Variants in SPG7 observed in about 807,000 individuals in gnomAD.
SPG7 encodes mitochondrial inner membrane m-AAA protease component paraplegin.
Under a neutral mutation model 81.9 loss-of-function variants are expected in SPG7, and 103 were observed. The observed-to-expected ratio is 1.26, with a 90% confidence interval of 1.07 to 1.48. SPG7 has a LOEUF of 1.48. Among genes scored for constraint, SPG7 ranks in the 40% most tolerant of loss-of-function variants. The probability of loss-of-function intolerance (pLI) is 0.00; values close to 1 mark genes in which losing one functional copy is unlikely to be tolerated. For synonymous variants in SPG7, 534 were observed against 444.2 expected, an observed-to-expected ratio of 1.20 and a Z score of -2.54; for missense variants, 1,241 against 1,087.3, an observed-to-expected ratio of 1.14 and a Z score of -1.99.
At chr16:89,525,768 C>T (rs1054841777) in intron 4 of SPG7, among the ~76,000 whole-genome samples, 2 of 152,086 alleles carry the variant, frequency 1.3e-5, no homozygotes, top group Non-Finnish European at 2.9e-5. Context: ...CCTCTGTGGC[C>T]GCAGTTTCCT....
chr16:89,546,656 A>G lies in SPG7; in HGVS notation c.1450-2A>G, dbSNP rs1567928264. The G allele has an allele frequency of 6.2e-7, 1 of 1,606,376 alleles. No individual in the cohort carries two copies. On this transcript the variant is annotated splice_acceptor_variant, in intron 10 of 16. Transcript: ENST00000645818. LOFTEE classifies it high-confidence loss of function. Reference sequence around the variant, plus strand: ...CTGTCTTTCCTCCCCTGGTTCTGGCAGGAGAGGCGGGAGATTTTTGAGCAG... The same window carrying G: ...CTGTCTTTCCTCCCCTGGTTCTGGCGGGAGAGGCGGGAGATTTTTGAGCAG...
chr16:89,550,177 T>A, intron 12 of SPG7: 1 of 361,230 alleles, frequency 2.8e-6, no homozygotes, highest in South Asian at 2.2e-5. Context: ...GTCATTCTTT[T>A]TTGTTTGTTT....
At chr16:89,513,675 C>G (rs1218423789) in intron 3 of SPG7, among the ~76,000 whole-genome samples, 1 of 152,160 alleles carries the variant, frequency 6.6e-6, no homozygotes, top group Non-Finnish European at 1.5e-5. Flanking sequence ...TTCAGACTCA[C>G]AGCCCCAGGG....
intron 14 of SPG7, 111 bp downstream of exon 14, chr16:89,553,246 T>C: frequency 1.8e-6 from 2 of 1,096,606 alleles, no homozygotes; most frequent in Non-Finnish European, 2.7e-6. Context: ...TAGCTTTGAA[T>C]TTATTAAGTA....
intron 10 of SPG7, 53 bp downstream of exon 10, chr16:89,544,825 C>T: frequency 1.2e-6 from 2 of 1,604,516 alleles, no homozygotes; most frequent in African/African-American, 1.3e-5. Context: ...CCCCCACTCG[C>T]TCTGAGTGGT....
rs863224213 is a variant in SPG7 at position 89,552,961 on chromosome 16, ATCT to A, written c.1780-16_1780-14del. 6.8e-4 allele frequency: 1,092 copies of A among 1,613,318 alleles called. 7 individuals are homozygous for A. The highest frequency in any genetic ancestry group is 5.1e-3 in the Middle Eastern group (29 of 5,662). ...CGCATCCTGCCTACTGACCTGGGTCATCTTGACCTTGTGCCAGGTCTCCATAAC... is the reference window on the plus strand; with the variant it reads ...CGCATCCTGCCTACTGACCTGGGTCATGACCTTGTGCCAGGTCTCCATAAC... On this transcript the variant is annotated splice_polypyrimidine_tract_variant and intron_variant, in intron 13 of 16. Transcript: ENST00000645818.
chr16:89,546,101 T>C, intron 10 of SPG7: 1 of 299,046 alleles, frequency 3.3e-6, no homozygotes. Context: ...TCTTTTTTTT[T>C]TTTTTGAGAC....
At chr16:89,553,756 A>C (rs1319737734) in intron 14 of SPG7, 38 bp from the exon 15 acceptor site, 1 of 1,609,024 alleles carries the variant, frequency 6.2e-7, no homozygotes, top group Non-Finnish European at 8.5e-7. Context: ...CTGCGCCTGC[A>C]GTGCTGAGGA....
intron 3 of SPG7, chr16:89,517,073 G>A (rs2058107268): frequency 2.0e-5 from 3 of 152,394 alleles, no homozygotes; most frequent in Admixed American, 6.5e-5. Context: ...TAGCAGGGGT[G>A]GAAGAAAATC....
intron 9 of SPG7, chr16:89,538,608 GC>G (rs2058458527): frequency 6.6e-6 from 1 of 152,626 alleles, no homozygotes. Flanking sequence ...TGCTGTTTCT[GC>G]CCTCTGTCCT....
chr16:89,536,638 G>A (rs2058427724), intron 9 of SPG7: 23 of 1,117,934 alleles, frequency 2.1e-5, no homozygotes, highest in Admixed American at 7.1e-5. Context: ...CGGGTGAGGC[G>A]GGCGAGGTGG....
intron 1 of SPG7, chr16:89,509,008 AG>A: frequency 2.1e-6 from 1 of 467,024 alleles, no homozygotes; most frequent in Non-Finnish European, 4.3e-6. Context: ...ATTGCCGAGT[AG>A]GGGGCCCAGA....
At position 89,531,907 on chromosome 16, in the gene SPG7, C is replaced by T. The variant is rs773613840; in HGVS notation, c.991C>T (p.Pro331Ser). The stretch of plus-strand genomic sequence containing the variant: ...TGCATTGTCTGCTGCCGTCCAGAGC[C>T]CAGAACGCTTCCTCCAGCTTGGCGC... ...VREFVDYLKSPERFLQLGAKV... is the reference protein window; with the variant it reads ...VREFVDYLKSSERFLQLGAKV... Residue 331 changes from proline (P) to serine (S), a missense_variant, in exon 8 of 17, where the codon CCA (proline) becomes TCA (serine). Physicochemically the swap from Pro to Ser is moderately conservative, Grantham distance 74 (BLOSUM62 -1). Transcript: ENST00000645818. 1.2e-6 allele frequency: 2 copies of T among 1,614,102 alleles called. No homozygotes were observed. The highest frequency in any genetic ancestry group is 2.2e-5 in the East Asian group (1 of 44,872).
At chr16:89,510,750 G>C (rs74784662) in intron 2 of SPG7, among the ~76,000 whole-genome samples, 158 bp downstream of exon 2, 1 of 152,124 alleles carries the variant, frequency 6.6e-6, no homozygotes, top group Non-Finnish European at 1.5e-5. Flanking sequence ...CTACAGCCTA[G>C]AACTCCTGGG....
At position 89,508,521 on chromosome 16, in the gene SPG7, C is replaced by G; in HGVS notation, c.104C>G (p.Ala35Gly). The change falls in exon 1 of 17, where the codon GCC becomes GGC. Residue 35 changes from alanine to glycine, a missense_variant. Coordinates refer to ENST00000645818, the MANE Select transcript of SPG7 (RefSeq NM_003119.4). Reference protein sequence around the residue: ...PGPAWSPGFPARPGRGRPYMA... With the variant: ...PGPAWSPGFPGRPGRGRPYMA... ...CCGGCCTGGAGTCCAGGGTTCCCCGCCAGGCCCGGGAGGGGGCGGCCGTAC... is the reference window on the plus strand; with the variant it reads ...CCGGCCTGGAGTCCAGGGTTCCCCGGCAGGCCCGGGAGGGGGCGGCCGTAC... 1 of 1,514,894 alleles carries G rather than the reference C, an allele frequency of 6.6e-7. No individual in the cohort carries two copies. The highest frequency in any genetic ancestry group is 8.8e-7 in the Non-Finnish European group (1 of 1,137,304). 93.8% of individuals were successfully genotyped at this position (1,514,894 alleles called of 1,614,324 possible).
Position 89,557,297 on chromosome 16 carries a change from G to A in SPG7, c.*204G>A, listed in dbSNP as rs570948173. ...AAACTACTGACGGAGTCCTGTGTTT[G>A]TGAGTCGTTTCCCCTATGGGGAAGG... On this transcript the variant is annotated 3_prime_UTR_variant, in exon 17 of 17. Coordinates refer to ENST00000645818, the MANE Select transcript of SPG7 (RefSeq NM_003119.4). The A allele has an allele frequency of 1.7e-6, 1 of 590,568 alleles. No homozygotes were observed. The highest frequency in any genetic ancestry group is 3.0e-6 in the Non-Finnish European group (1 of 331,280). The allele number at this position is 590,568 out of a possible 1,614,324, so 36.6% of individuals were successfully genotyped here.
chr16:89,521,272 G>A (rs2058184263), intron 3 of SPG7: 1 of 152,264 alleles, frequency 6.6e-6, no homozygotes, highest in Non-Finnish European at 1.5e-5. Context: ...GGGCTGTGTG[G>A]CCTCAGCGTC....
At chr16:89,541,914 C>T (rs368252065) in intron 9 of SPG7, 6 of 151,818 alleles carry the variant, frequency 4.0e-5, no homozygotes, top group East Asian at 3.9e-4. Context: ...AGCACGTGCC[C>T]TGCAGGGTGG....
intron 1 of SPG7, chr16:89,509,113 A>G: frequency 2.6e-6 from 1 of 379,868 alleles, no homozygotes; most frequent in Non-Finnish European, 5.4e-6. Flanking sequence ...CACCCCCTGT[A>G]GTGCGGCCTT....
Sources: allele counts gnomAD v4.1 joint callset (sites outside exome capture counted in the v4.1 genomes callset), GRCh38; gene constraint gnomAD v4.1.1; transcripts MANE v1.5; gene names NCBI Gene and HGNC (gene_info 2026-07-23, HGNC 2026-07-21).